Variants in CLMP observed in about 807,000 individuals in gnomAD.
CLMP encodes CXADR-like membrane protein.
CLMP carries 27 observed loss-of-function variants against 45.2 expected under a neutral mutation model. The observed-to-expected ratio is 0.60, with a 90% CI of 0.44 to 0.82. The LOEUF (loss-of-function observed/expected upper bound fraction) is 0.82, where lower values mean the gene tolerates loss of function less well. Among genes scored for constraint, CLMP ranks in the 40% least tolerant of loss-of-function variants. The pLI is 0.00. For synonymous variants in CLMP, 167 were observed against 171.4 expected, an observed-to-expected ratio of 0.97 and a Z score of 0.20; for missense variants, 403 against 448.4, an observed-to-expected ratio of 0.90 and a Z score of 0.91.
chr11:123,107,018 C>CAAA (rs1244006146), intron 1 of CLMP, among the ~76,000 whole-genome samples: 2 of 126,676 alleles, frequency 1.6e-5, no homozygotes, highest in Admixed American at 7.7e-5. Context: ...GACTCCGTCT[C>CAAA]AAAAAAAAAA....
intron 2 of CLMP, among the ~76,000 whole-genome samples, chr11:123,089,702 A>G (rs1171226750): frequency 4.0e-5 from 6 of 148,840 alleles, no homozygotes; most frequent in East Asian, 4.1e-4. Context: ...GCATGAACCC[A>G]GGAGGCGGAG....
chr11:123,076,469 G>A (rs1865741523), intron 5 of CLMP, among the ~76,000 whole-genome samples: 1 of 152,180 alleles, frequency 6.6e-6, no homozygotes, highest in Admixed American at 6.5e-5. Flanking sequence ...TAAATTCCAT[G>A]AAGGCAAAAT....
At position 123,099,966 on chromosome 11, in the gene CLMP, A is replaced by G. The variant is rs1591456972; in HGVS notation, c.29-2014T>C. Among the ~76,000 whole-genome samples, 3 of 152,338 alleles carry G rather than the reference A, an allele frequency of 2.0e-5. No homozygotes were observed. The East Asian group carries it at 5.8e-4, about 29-fold the overall frequency. ...CAAGTAAGAGATACTGCTCTAGGATAGTGGTGAAGGCAGTAAAAAGCAAAT... is the reference window on the plus strand; with the variant it reads ...CAAGTAAGAGATACTGCTCTAGGATGGTGGTGAAGGCAGTAAAAAGCAAAT... On this transcript the variant is annotated intron_variant, in intron 1 of 6. Transcript: ENST00000448775.
At chr11:123,161,248 G>T (rs1284407752) in intron 1 of CLMP, among the ~76,000 whole-genome samples, 1 of 152,160 alleles carries the variant, frequency 6.6e-6, no homozygotes. Flanking sequence ...ATCTATTTGA[G>T]ACTGTAGAAC....
intron 1 of CLMP, among the ~76,000 whole-genome samples, chr11:123,171,346 T>C (rs1227597679): frequency 6.6e-6 from 1 of 151,726 alleles, no homozygotes; most frequent in Non-Finnish European, 1.5e-5. Context: ...CCACAGAAGG[T>C]AACCTTGGAG....
At chr11:123,187,494 C>G (rs1861850449) in intron 1 of CLMP, among the ~76,000 whole-genome samples, 1 of 152,100 alleles carries the variant, frequency 6.6e-6, no homozygotes, top group Non-Finnish European at 1.5e-5. Flanking sequence ...CCTCCCCTAC[C>G]AAGAAAAGAA....
intron 2 of CLMP, among the ~76,000 whole-genome samples, chr11:123,086,022 C>A (rs1395398518): frequency 6.6e-6 from 1 of 152,090 alleles, no homozygotes; most frequent in Non-Finnish European, 1.5e-5. Flanking sequence ...GATGATCTGC[C>A]TGCCTCAGCC....
intron 1 of CLMP, among the ~76,000 whole-genome samples, chr11:123,178,372 T>C (rs1861727017): frequency 6.6e-6 from 1 of 152,160 alleles, no homozygotes; most frequent in Non-Finnish European, 1.5e-5. Flanking sequence ...TGTGCATCAT[T>C]CCTCACTTGG....
chr11:123,161,971 G>T (rs1012452481), intron 1 of CLMP, among the ~76,000 whole-genome samples: 13 of 152,206 alleles, frequency 8.5e-5, no homozygotes, highest in Non-Finnish European at 1.9e-4. Flanking sequence ...CTGAATACCT[G>T]CACAGAGAAC....
chr11:123,106,068 A>G (rs1860541992), intron 1 of CLMP, among the ~76,000 whole-genome samples: 1 of 151,960 alleles, frequency 6.6e-6, no homozygotes, highest in African/African-American at 2.4e-5. Context: ...CACCCACCTC[A>G]GACTTCTGAA....
At chr11:123,146,687 C>T (rs954538550) in intron 1 of CLMP, among the ~76,000 whole-genome samples, 7 of 152,176 alleles carry the variant, frequency 4.6e-5, no homozygotes. Context: ...TTGGTTCTGA[C>T]TTCAGCTCTC....
In CLMP at chr11:123,073,351, A is replaced by G. The variant is rs1016945683; in HGVS notation, c.*123T>C. On this transcript the variant is annotated 3_prime_UTR_variant, in exon 7 of 7. Transcript: ENST00000448775. ...TGCTCATCTGAATCTGTTCCGTGCA[A>G]TGCTCACTGCTACTTAGATGACCTC... is the stretch of plus-strand genomic sequence containing the variant. 34 of 1,073,204 alleles carry G rather than the reference A, an allele frequency of 3.2e-5. No individual in the cohort carries two copies. In the African/African-American group the frequency reaches 5.0e-4, roughly 16 times the overall value. 66.5% of individuals were successfully genotyped at this position (1,073,204 alleles called of 1,614,324 possible). A position where few individuals can be genotyped will look rare whatever the true frequency, so the allele number is the denominator to read the frequency against.
At chr11:123,173,751 T>G (rs1391084344) in intron 1 of CLMP, among the ~76,000 whole-genome samples, 1 of 152,094 alleles carries the variant, frequency 6.6e-6, no homozygotes, top group Non-Finnish European at 1.5e-5. Context: ...AACAGCTCTG[T>G]CCAGGATGCC....
In CLMP at chr11:123,097,794, C is replaced by A. The variant is rs768030215; in HGVS notation, c.186+1G>T. ...GGGACTCCAGCCAGGTGTCTACTTACCACTTTTTGGTTCCCTTCATTATCG... is the reference window on the plus strand; with the variant it reads ...GGGACTCCAGCCAGGTGTCTACTTAACACTTTTTGGTTCCCTTCATTATCG... On this transcript the variant is annotated splice_donor_variant, in intron 2 of 6. Transcript: ENST00000448775. LOFTEE classifies it high-confidence loss of function. 3.8e-6 allele frequency: 6 copies of A among 1,585,066 alleles called. No individual in the cohort carries two copies. Among genetic ancestry groups the A allele is most frequent in the Non-Finnish European group, 5.2e-6 (6 of 1,163,908 alleles).
chr11:123,076,547 G>C (rs1417937481), intron 5 of CLMP, among the ~76,000 whole-genome samples: 1 of 152,152 alleles, frequency 6.6e-6, no homozygotes, highest in Non-Finnish European at 1.5e-5. Context: ...AGACTTTGAG[G>C]AGGTGACATT....
intron 2 of CLMP, among the ~76,000 whole-genome samples, chr11:123,093,890 A>G (rs1250123361): frequency 6.6e-6 from 1 of 152,178 alleles, no homozygotes. Context: ...TCTGGCAGTC[A>G]TTCTGCTGTG....
intron 1 of CLMP, among the ~76,000 whole-genome samples, chr11:123,128,027 C>A (rs1483035664): frequency 1.6e-5 from 2 of 129,014 alleles, no homozygotes; most frequent in Non-Finnish European, 3.2e-5. Context: ...CAGAATGAGA[C>A]TCTGTCTCAA....
intron 1 of CLMP, among the ~76,000 whole-genome samples, chr11:123,112,414 G>C (rs188456140): frequency 6.1e-5 from 9 of 146,820 alleles, no homozygotes; most frequent in African/African-American, 2.3e-4. Context: ...CTCGGCTCAC[G>C]GCAACCTCCG....
At chr11:123,145,452 GTTTTTTTTTTTTTTTT>G (rs66487810) in intron 1 of CLMP, among the ~76,000 whole-genome samples, 1 of 61,808 alleles carries the variant, frequency 1.6e-5, no homozygotes, top group Non-Finnish European at 3.0e-5. Flanking sequence ...CTCTGCGGCT[GTTTTTTTTTTTTTTTT>G]TTTTTTTTTT....
Sources: gnomAD v4.1 joint callset for allele counts (sites outside exome capture counted in the v4.1 genomes callset) on GRCh38, gnomAD v4.1.1 for gene constraint, MANE v1.5 for transcripts, NCBI Gene and HGNC (gene_info 2026-07-23, HGNC 2026-07-21) for gene names.